The following NRCAM variants were observed in gnomAD, a reference collection of about 807,000 sequenced individuals.
NRCAM encodes the protein NgCAM-related cell adhesion molecule.
Under a neutral mutation model 156.5 loss-of-function variants are expected in NRCAM, and 83 were observed. That is an observed-to-expected ratio of 0.53 (90% CI 0.44 to 0.64). The LOEUF is 0.64. Ranked by LOEUF, NRCAM falls within the 30% of genes least tolerant of loss-of-function variation. The pLI is 0.00. For synonymous variants in NRCAM, 538 were observed against 563.9 expected, an observed-to-expected ratio of 0.95 and a Z score of 0.65; for missense variants, 1,417 against 1,597.3, an observed-to-expected ratio of 0.89 and a Z score of 1.92.
chr7:108,294,912 G>C (rs2098422373), intron 3 of NRCAM, among the ~76,000 whole-genome samples: 1 of 152,080 alleles, frequency 6.6e-6, no homozygotes, highest in Non-Finnish European at 1.5e-5. Flanking sequence ...TTAACTTCTG[G>C]CTCATTATTA....
intron 2 of NRCAM, among the ~76,000 whole-genome samples, chr7:108,366,174 C>T (rs866387514): frequency 5.9e-5 from 9 of 152,256 alleles, no homozygotes; most frequent in South Asian, 4.1e-4. Context: ...TCCCAGCCCC[C>T]GGAACTATGA....
At chr7:108,367,505 T>C (rs17419906) in intron 2 of NRCAM, among the ~76,000 whole-genome samples, 41,613 of 152,000 alleles carry the variant, frequency 0.27, 6,325 homozygotes, top group Middle Eastern at 0.36. Flanking sequence ...CCTGAATTCA[T>C]TGTTTGCTCA....
chr7:108,311,227 G>A (rs1264672913), intron 3 of NRCAM, among the ~76,000 whole-genome samples: 1 of 152,080 alleles, frequency 6.6e-6, no homozygotes, highest in African/African-American at 2.4e-5. Flanking sequence ...ATACCTTACT[G>A]CTGATACTAG....
chr7:108,286,604 CTTACT>C (rs984139636), intron 3 of NRCAM, among the ~76,000 whole-genome samples: 1 of 151,064 alleles, frequency 6.6e-6, no homozygotes, highest in African/African-American at 2.4e-5. Flanking sequence ...CTTTCTGTAC[CTTACT>C]TTATTTAATC....
intron 2 of NRCAM, among the ~76,000 whole-genome samples, chr7:108,370,154 C>T (rs369720402): frequency 5.9e-5 from 9 of 151,986 alleles, no homozygotes; most frequent in African/African-American, 2.2e-4. Flanking sequence ...TCTCAAAGTG[C>T]CCCAGAGATA....
At chr7:108,431,569 G>A (rs1825222918) in intron 1 of NRCAM, among the ~76,000 whole-genome samples, 1 of 152,126 alleles carries the variant, frequency 6.6e-6, no homozygotes, top group Non-Finnish European at 1.5e-5. Flanking sequence ...GATCACTTGA[G>A]CTCAGGAGTT....
At chr7:108,361,104 T>A (rs772818819) in intron 2 of NRCAM, among the ~76,000 whole-genome samples, 10 of 152,172 alleles carry the variant, frequency 6.6e-5, no homozygotes, top group Non-Finnish European at 1.2e-4. Flanking sequence ...CACAAAATAA[T>A]ATACACATAT....
intron 2 of NRCAM, among the ~76,000 whole-genome samples, chr7:108,335,806 C>A (rs1408426668): frequency 6.6e-6 from 1 of 152,150 alleles, no homozygotes; most frequent in Non-Finnish European, 1.5e-5. Flanking sequence ...TAGGACAGAT[C>A]CATCACTCTA....
intron 1 of NRCAM, among the ~76,000 whole-genome samples, chr7:108,447,122 T>A (rs1845186940): frequency 6.6e-6 from 1 of 152,158 alleles, no homozygotes; most frequent in African/African-American, 2.4e-5. Flanking sequence ...TCTACTTAGA[T>A]ATTTCTGAAA....
intron 1 of NRCAM, among the ~76,000 whole-genome samples, chr7:108,455,842 G>A (rs1367791243): frequency 1.3e-5 from 2 of 152,128 alleles, no homozygotes; most frequent in African/African-American, 2.4e-5. Context: ...GGAAGCCGCC[G>A]TGCCGGGCCC....
chr7:108,246,750 C>A (rs1177722032), intron 3 of NRCAM, among the ~76,000 whole-genome samples: 2 of 152,242 alleles, frequency 1.3e-5, no homozygotes, highest in African/African-American at 4.8e-5. Context: ...GAGGTTGAGA[C>A]ATCTTCCTGT....
intron 2 of NRCAM, among the ~76,000 whole-genome samples, chr7:108,380,899 A>G (rs2099697959): frequency 6.6e-6 from 1 of 152,130 alleles, no homozygotes; most frequent in Non-Finnish European, 1.5e-5. Context: ...TATGTATGTA[A>G]TATCCCATTT....
intron 2 of NRCAM, among the ~76,000 whole-genome samples, chr7:108,367,970 G>A (rs2099602137): frequency 6.6e-6 from 1 of 152,160 alleles, no homozygotes; most frequent in African/African-American, 2.4e-5. Context: ...TTCGTGTTTA[G>A]GGAAGTAGTT....
At chr7:108,371,641 T>C (rs916748403) in intron 2 of NRCAM, among the ~76,000 whole-genome samples, 5 of 152,298 alleles carry the variant, frequency 3.3e-5, no homozygotes, top group Admixed American at 3.3e-4. Flanking sequence ...GCACTAGAAT[T>C]GCCACTGTGG....
chr7:108,235,246 CT>C (rs1385946356), intron 5 of NRCAM, among the ~76,000 whole-genome samples: 1 of 152,042 alleles, frequency 6.6e-6, no homozygotes, highest in Non-Finnish European at 1.5e-5. Flanking sequence ...ATAAAAGAGT[CT>C]TATTTAGAAG....
intron 1 of NRCAM, among the ~76,000 whole-genome samples, chr7:108,409,612 A>C (rs1430194628): frequency 6.6e-6 from 1 of 152,246 alleles, no homozygotes; most frequent in African/African-American, 2.4e-5. Context: ...TGCCCAGCTC[A>C]GGGGTCCAAG....
At chr7:108,290,538 G>A (rs555524942) in intron 3 of NRCAM, among the ~76,000 whole-genome samples, 106 of 152,294 alleles carry the variant, frequency 7.0e-4, no homozygotes, top group Non-Finnish European at 1.2e-3. Flanking sequence ...GAAGGACAGA[G>A]CTGGGTCAAC....
intron 1 of NRCAM, among the ~76,000 whole-genome samples, chr7:108,399,863 A>C (rs1401042464): frequency 1.3e-5 from 2 of 152,212 alleles, no homozygotes; most frequent in Non-Finnish European, 2.9e-5. Flanking sequence ...ATTACCCCTA[A>C]ATAGCAGGAA....
intron 3 of NRCAM, among the ~76,000 whole-genome samples, chr7:108,271,657 T>C (rs539071431): frequency 2.0e-5 from 3 of 151,420 alleles, no homozygotes; most frequent in African/African-American, 7.3e-5. Context: ...TGTGCCATTG[T>C]ACTCCAGCCT....
Sources: allele counts gnomAD v4.1 joint callset (sites outside exome capture counted in the v4.1 genomes callset), GRCh38; gene constraint gnomAD v4.1.1; transcripts MANE v1.5; gene names NCBI Gene and HGNC (gene_info 2026-07-23, HGNC 2026-07-21).